WWP2: variants seen among roughly 807,000 people sequenced by gnomAD.
WWP2 encodes WW domain containing E3 ubiquitin protein ligase 2, also known as NEDD4-like E3 ubiquitin-protein ligase WWP2.
A neutral mutation model predicts 121.0 loss-of-function variants in WWP2; 57 were observed. The ratio of observed to expected loss-of-function variants is 0.47; its 90% CI spans 0.38 to 0.59. The LOEUF (loss-of-function observed/expected upper bound fraction) is 0.59. WWP2 is among the 20% of genes least tolerant of loss of function. The pLI is 0.00. For missense variants in WWP2, 962 were observed against 1,158.9 expected (o/e 0.83, Z 2.47); for synonymous variants, 449 against 441.3 (o/e 1.02, Z -0.22).
intron 13 of WWP2, 130 bp downstream of exon 13, chr16:69,930,388 C>A: frequency 7.2e-7 from 1 of 1,394,490 alleles, no homozygotes. Flanking sequence ...CTCTAGTGGC[C>A]AATGTTGATG....
At chr16:69,871,770 T>G (rs372477547) in intron 6 of WWP2, 34 bp from the exon 7 acceptor site, 39 of 1,613,108 alleles carry the variant, frequency 2.4e-5, no homozygotes, top group Admixed American at 2.0e-4. Flanking sequence ...TCACAGTGAC[T>G]TATGTCTGTC....
intron 21 of WWP2, among the ~76,000 whole-genome samples, chr16:69,938,248 A>G (rs528507559): frequency 6.6e-6 from 1 of 152,066 alleles, no homozygotes; most frequent in African/African-American, 2.4e-5. Flanking sequence ...TCCTGGGCTC[A>G]AGCAGTCCTT....
intron 10 of WWP2, among the ~76,000 whole-genome samples, chr16:69,919,338 T>G (rs1487066676): frequency 6.6e-6 from 1 of 152,072 alleles, no homozygotes; most frequent in African/African-American, 2.4e-5. Context: ...GCTAATTTTT[T>G]GTATTTTTAG....
Position 69,925,576 on chromosome 16 carries a change from T to C in WWP2, c.1234+92T>C. The C allele has an allele frequency of 6.7e-7, 1 of 1,490,108 alleles. No individual in the cohort carries two copies. Among genetic ancestry groups the C allele is most frequent in the Non-Finnish European group, 9.1e-7 (1 of 1,097,624 alleles). The allele number at this position is 1,490,108 out of a possible 1,614,324, so 92.3% of individuals were successfully genotyped here. On this transcript the variant is annotated intron_variant, in intron 11 of 23. Coordinates refer to ENST00000359154, the MANE Select transcript of WWP2 (RefSeq NM_001270454.2). The surrounding 1 kb of genome is among the most constrained non-coding windows in gnomAD (Gnocchi z 4.0). Reference sequence around the variant, plus strand: ...CGCGTGTCTTCCTTCCCTGTTCCTGTCCCTCTGTTTTCCATCTCTCCCCTC... The same window carrying C: ...CGCGTGTCTTCCTTCCCTGTTCCTGCCCCTCTGTTTTCCATCTCTCCCCTC...
chr16:69,762,919 A>T lies in WWP2; in HGVS notation c.-16+528A>T, dbSNP rs556289129. 2.6e-5 allele frequency among the ~76,000 whole-genome samples: 4 copies of T among 152,198 alleles called. No individual in the cohort carries two copies. The South Asian group carries it at 8.3e-4, about 32-fold the overall frequency. On this transcript the variant is annotated intron_variant, in intron 1 of 23. Coordinates refer to ENST00000359154, the MANE Select transcript of WWP2 (RefSeq NM_001270454.2). ...ATTCAGTTTTTAAACTTCAGGAGGG[A>T]TCACAGAATCTTGATCGTCTTGCTT...
intron 10 of WWP2, among the ~76,000 whole-genome samples, chr16:69,923,941 G>A (rs1349898530): frequency 6.6e-6 from 1 of 151,310 alleles, no homozygotes; most frequent in Non-Finnish European, 1.5e-5. Flanking sequence ...CCCATGACTT[G>A]GAATTCGGGA....
chr16:69,934,264 G>C, intron 17 of WWP2, 135 bp downstream of exon 17: 1 of 1,167,980 alleles, frequency 8.6e-7, no homozygotes, highest in Non-Finnish European at 1.2e-6. Context: ...CATTGGAGGA[G>C]GCCCTGGGCC....
At chr16:69,887,247 T>G (rs1234798326) in intron 7 of WWP2, among the ~76,000 whole-genome samples, 1 of 152,208 alleles carries the variant, frequency 6.6e-6, no homozygotes, top group Non-Finnish European at 1.5e-5. Context: ...GCATGAGCCT[T>G]TACAAGAATG....
At chr16:69,815,054 G>A (rs1330751703) in intron 4 of WWP2, among the ~76,000 whole-genome samples, 1 of 151,904 alleles carries the variant, frequency 6.6e-6, no homozygotes, top group Admixed American at 6.6e-5. Context: ...TCAGGCTGGG[G>A]TGTAGTGGGA....
At chr16:69,842,237 C>G in intron 6 of WWP2, 117 bp downstream of exon 6, 1 of 962,078 alleles carries the variant, frequency 1.0e-6, no homozygotes, top group Non-Finnish European at 1.6e-6. Flanking sequence ...TTCCAGAGAT[C>G]TTGTAACTGA....
chr16:69,777,518 C>T lies in WWP2; in HGVS notation c.-15-9478C>T, dbSNP rs557006928. ...GTTTCACCCTGTTGGCGAGGCTGGT[C>T]TCGAACTCCTGACCTCAAGCAATTC... On this transcript the variant is annotated intron_variant, in intron 1 of 23. Transcript: ENST00000359154. Among the ~76,000 whole-genome samples the T allele has an allele frequency of 1.1e-3, 167 of 151,868 alleles. No homozygotes were observed. The Middle Eastern group carries it at 0.017, about 15-fold the overall frequency.
chr16:69,857,936 C>T (rs2057348536), intron 6 of WWP2, among the ~76,000 whole-genome samples: 1 of 152,040 alleles, frequency 6.6e-6, no homozygotes, highest in Admixed American at 6.6e-5. Flanking sequence ...GCGTAAGCTA[C>T]CGCATCCGGC....
rs1567408798 is a variant in WWP2, at chr16:69,888,237, C to T, written c.902C>T (p.Ala301Val). The T allele has an allele frequency of 6.2e-7, 1 of 1,614,094 alleles. No homozygotes were observed. Among genetic ancestry groups the T allele is most frequent in the Non-Finnish European group, 8.5e-7 (1 of 1,179,996 alleles). ...QLPAAAQAPDALPAGWEQREL... is the reference protein window; with the variant it reads ...QLPAAAQAPDVLPAGWEQREL... ...CCAGCGGCTGCCCAGGCCCCCGACG[C>T]TCTGCCTGCTGGGTGAGTAGTCTTC... The change falls in exon 8 of 24, where the codon GCT becomes GTT. Residue 301 changes from alanine (A) to valine (V), a missense_variant. This residue lies in a region of WWP2 where 606 missense variants were observed against 772.6 expected (regional missense o/e 0.78). Transcript: ENST00000359154.
chr16:69,763,833 C>T (rs1232340921), intron 1 of WWP2, among the ~76,000 whole-genome samples: 1 of 152,182 alleles, frequency 6.6e-6, no homozygotes, highest in Non-Finnish European at 1.5e-5. Context: ...CTAAAAGTCA[C>T]ACCGGCGTAA....
chr16:69,844,535 C>G (rs1411337121), intron 6 of WWP2, among the ~76,000 whole-genome samples: 1 of 152,146 alleles, frequency 6.6e-6, no homozygotes, highest in Non-Finnish European at 1.5e-5. Context: ...AATTCTTGAC[C>G]TATTTACTGG....
chr16:69,795,768 C>T (rs1336975972), intron 2 of WWP2, among the ~76,000 whole-genome samples: 7 of 148,596 alleles, frequency 4.7e-5, no homozygotes, highest in Admixed American at 3.5e-4. Flanking sequence ...ATGCCTCAGC[C>T]TCCTGAGTAG....
In WWP2 at chr16:69,935,981, G is replaced by C; in HGVS notation, c.1971G>C (p.Trp657Cys). The change falls in exon 18 of 24, where the codon TGG becomes TGC. Residue 657 changes from tryptophan (W) to cysteine (C), a missense_variant. Physicochemically the swap from Trp to Cys is radical, Grantham distance 215. Transcript: ENST00000359154. This position sits in a 1 kb window ranked among gnomAD's most constrained non-coding sequence, Gnocchi z 5.2. ...IDPEFYNSIV[W>C]IKENNLEECG... Reference sequence around the variant, plus strand: ...CTGAGTTCTACAACTCCATTGTCTGGATCAAGTGAGTTCCCTGCCCCCTTG... The same window carrying C: ...CTGAGTTCTACAACTCCATTGTCTGCATCAAGTGAGTTCCCTGCCCCCTTG... 1 of 1,613,932 alleles carries C rather than the reference G, an allele frequency of 6.2e-7. No individual in the cohort carries two copies. The highest frequency in any genetic ancestry group is 8.5e-7 in the Non-Finnish European group (1 of 1,179,912).
chr16:69,925,842 C>T lies in WWP2; in HGVS notation c.1234+358C>T, dbSNP rs1328404388. The T allele has an allele frequency of 1.9e-5, 4 of 215,926 alleles. No individual in the cohort carries two copies. The highest frequency in any genetic ancestry group is 5.8e-5 in the Admixed American group (1 of 17,122). The allele number at this position is 215,926 out of a possible 1,614,324, so 13.4% of individuals were successfully genotyped here. A position where few individuals can be genotyped will look rare whatever the true frequency, so the allele number is the denominator to read the frequency against. ...TAAGATATTTTGACACTGCCTAACTCCCAAATGGATTTGTTTCAGATCTGT... is the reference window on the plus strand; with the variant it reads ...TAAGATATTTTGACACTGCCTAACTTCCAAATGGATTTGTTTCAGATCTGT... On this transcript the variant is annotated intron_variant, in intron 11 of 23. Coordinates refer to ENST00000359154, the MANE Select transcript of WWP2 (RefSeq NM_001270454.2). This position sits in a 1 kb window ranked among gnomAD's most constrained non-coding sequence, Gnocchi z 4.0.
intron 7 of WWP2, among the ~76,000 whole-genome samples, chr16:69,887,603 G>T (rs945130833): frequency 1.3e-5 from 2 of 151,972 alleles, no homozygotes; most frequent in Non-Finnish European, 2.9e-5. Flanking sequence ...ACGGGGTTTT[G>T]CCATGTTGGC....
Sources: gnomAD v4.1 joint callset for allele counts (sites outside exome capture counted in the v4.1 genomes callset) on GRCh38, gnomAD v4.1.1 for gene constraint, gnomAD v4.1.1 regional missense constraint, Gnocchi (gnomAD v3.1) non-coding constraint, MANE v1.5 for transcripts, NCBI Gene and HGNC (gene_info 2026-07-23, HGNC 2026-07-21) for gene names.